The following DENND11 variants were observed in gnomAD, a reference collection of about 807,000 sequenced individuals.
DENND11 encodes the protein DENN domain containing 11.
In DENND11, 34 loss-of-function variants were observed where a neutral mutation model predicts 49.2. The ratio of observed to expected loss-of-function variants is 0.69; its 90% CI spans 0.53 to 0.92. The LOEUF is 0.92. Ranked by LOEUF, DENND11 falls within the 40% of genes least tolerant of loss-of-function variation. The probability of loss-of-function intolerance (pLI) is 0.00; values close to 1 mark genes in which losing one functional copy is unlikely to be tolerated. For missense variants in DENND11, 475 were observed against 581.6 expected, an observed-to-expected ratio of 0.82 and a Z score of 1.88; for synonymous variants, 238 against 230.3, an observed-to-expected ratio of 1.03 and a Z score of -0.30.
intron 4 of DENND11, among the ~76,000 whole-genome samples, chr7:141,667,377 A>G (rs966243165): frequency 6.6e-6 from 1 of 152,198 alleles, no homozygotes; most frequent in African/African-American, 2.4e-5. Context: ...AGATCTGGGG[A>G]AAGTTAGCTA....
intron 4 of DENND11, among the ~76,000 whole-genome samples, chr7:141,669,584 T>G (rs1480946631): frequency 6.6e-6 from 1 of 152,042 alleles, no homozygotes; most frequent in Non-Finnish European, 1.5e-5. Context: ...GTTGTAAAAA[T>G]TCATTGAATT....
intron 3 of DENND11, among the ~76,000 whole-genome samples, chr7:141,675,094 C>T (rs1357389755): frequency 2.0e-5 from 3 of 152,172 alleles, no homozygotes; most frequent in Non-Finnish European, 4.4e-5. Context: ...AATGAAGTTA[C>T]TGGAGTGGGC....
At chr7:141,694,298 T>C (rs1798375834) in intron 1 of DENND11, among the ~76,000 whole-genome samples, 1 of 152,156 alleles carries the variant, frequency 6.6e-6, no homozygotes, top group Non-Finnish European at 1.5e-5. Context: ...AGAGACAGGA[T>C]TGCCCAGGCT....
rs923223276 is a variant in DENND11, at chr7:141,659,685, T to G, written c.*2971A>C. 6.6e-6 allele frequency: 1 copy of G among 152,120 alleles called. No homozygotes were observed. The highest frequency in any genetic ancestry group is 1.5e-5 in the Non-Finnish European group (1 of 68,068). The allele number at this position is 152,120 out of a possible 1,614,324, so 9.4% of individuals were successfully genotyped here. On this transcript the variant is annotated 3_prime_UTR_variant, in exon 9 of 9. Coordinates refer to ENST00000536163, the MANE Select transcript of DENND11 (RefSeq NM_001080392.2). ...ACATAGTTCATTTCACAGTGTGGCA[T>G]GAGATCAGGCTGACAGCTTCACAGG...
rs1276814610 is a variant in DENND11, at chr7:141,673,240, GA to G, written c.681+826del. On this transcript the variant is annotated intron_variant, in intron 4 of 8. Transcript: ENST00000536163. ...TCGGTTGTTTTCGCTGGAAAACAAG[GA>G]ATAAAAAAAAAAAAACAAAAAACAT... 4.1e-3 allele frequency among the ~76,000 whole-genome samples: 606 copies of G among 148,700 alleles called. 4 individuals are homozygous for G. The highest frequency in any genetic ancestry group is 0.014 in the African/African-American group (562 of 40,506).
In DENND11 at chr7:141,670,070, A is replaced by G. The variant is rs551379224; in HGVS notation, c.682-3645T>C. On this transcript the variant is annotated intron_variant, in intron 4 of 8. Transcript: ENST00000536163. Reference sequence around the variant, plus strand: ...CGTGATCCGCCCGCCTCGGCCTCCCAAAGTGCTGGGATTACAGGCGTGAGC... The same window carrying G: ...CGTGATCCGCCCGCCTCGGCCTCCCGAAGTGCTGGGATTACAGGCGTGAGC... Among the ~76,000 whole-genome samples the G allele has an allele frequency of 9.0e-4, 136 of 150,812 alleles. 5 individuals carry two copies. The highest frequency in any genetic ancestry group is 2.2e-3 in the Admixed American group (33 of 15,212).
At chr7:141,687,300 C>CA (rs1798257614) in intron 1 of DENND11, among the ~76,000 whole-genome samples, 1 of 152,116 alleles carries the variant, frequency 6.6e-6, no homozygotes, top group Non-Finnish European at 1.5e-5. Context: ...TTTTGGGACT[C>CA]ATTCACTCAT....
intron 1 of DENND11, among the ~76,000 whole-genome samples, chr7:141,688,464 G>C (rs1367827300): frequency 6.6e-6 from 1 of 152,152 alleles, no homozygotes; most frequent in Admixed American, 6.5e-5. Context: ...TTTCAAAAGA[G>C]GAATTATGAT....
intron 5 of DENND11, among the ~76,000 whole-genome samples, 198 bp downstream of exon 5, chr7:141,666,089 G>A (rs1352999101): frequency 2.0e-5 from 3 of 150,722 alleles, no homozygotes; most frequent in African/African-American, 7.3e-5. Flanking sequence ...CTAATCTTTG[G>A]CCAGGCCACT....
chr7:141,694,131 G>A (rs1180947828), intron 1 of DENND11, among the ~76,000 whole-genome samples: 3 of 151,958 alleles, frequency 2.0e-5, no homozygotes, highest in South Asian at 2.1e-4. Flanking sequence ...AACTAAAATT[G>A]CTCTAAAAAA....
At position 141,661,134 on chromosome 7, in the gene DENND11, T is replaced by C. The variant is rs1027034546; in HGVS notation, c.*1522A>G. On this transcript the variant is annotated 3_prime_UTR_variant, in exon 9 of 9. Transcript: ENST00000536163. ...TGTGAACCACCATTTGAATGTTATT[T>C]CTCCCTGCTGTGTACATTAGTCTGG... 3 of 152,206 alleles carry C rather than the reference T, an allele frequency of 2.0e-5. No individual in the cohort carries two copies. The highest frequency in any genetic ancestry group is 7.2e-5 in the African/African-American group (3 of 41,446). 9.4% of individuals were successfully genotyped at this position (152,206 alleles called of 1,614,324 possible).
At chr7:141,667,555 CCTTGTGAG>C (rs72187976) in intron 4 of DENND11, among the ~76,000 whole-genome samples, 17,165 of 152,132 alleles carry the variant, frequency 0.11, 1,356 homozygotes, top group East Asian at 0.35. Context: ...AAACCCTGGG[CCTTGTGAG>C]CTTTGTGAAA....
At chr7:141,664,711 TC>T (rs552420067) in intron 7 of DENND11, among the ~76,000 whole-genome samples, 192 bp downstream of exon 7, 76 of 152,270 alleles carry the variant, frequency 5.0e-4, no homozygotes, top group Admixed American at 1.4e-3. Flanking sequence ...TCCCCTCCTA[TC>T]AGGGCAGCAT....
At chr7:141,684,098 T>C (rs1798192185) in intron 3 of DENND11, among the ~76,000 whole-genome samples, 1 of 152,168 alleles carries the variant, frequency 6.6e-6, no homozygotes, top group Admixed American at 6.5e-5. Flanking sequence ...TGGCTAATTT[T>C]TTTGTTTTTG....
intron 8 of DENND11, 57 bp downstream of exon 8, chr7:141,664,115 C>G: frequency 7.4e-7 from 1 of 1,346,796 alleles, no homozygotes; most frequent in Non-Finnish European, 1.0e-6. Flanking sequence ...GGATGCAGGT[C>G]ACTCAGTGCC....
intron 4 of DENND11, among the ~76,000 whole-genome samples, chr7:141,669,335 C>T (rs931394703): frequency 1.7e-4 from 26 of 151,746 alleles, no homozygotes; most frequent in African/African-American, 6.3e-4. Flanking sequence ...GCAACCTCCG[C>T]CTCCTGGGTT....
chr7:141,662,576 T>C lies in DENND11; in HGVS notation c.*80A>G. The C allele has an allele frequency of 1.0e-6, 1 of 964,970 alleles. No homozygotes were observed. Among genetic ancestry groups the C allele is most frequent in the African/African-American group, 1.7e-5 (1 of 59,824 alleles). The allele number at this position is 964,970 out of a possible 1,614,324, so 59.8% of individuals were successfully genotyped here. A position where few individuals can be genotyped will look rare whatever the true frequency, so the allele number is the denominator to read the frequency against. The stretch of plus-strand genomic sequence containing the variant: ...TCCTTTGTGTCAACTTAATAAAAAA[T>C]GAGGCCCTCTGGGGCCCTGGGGTGA... On this transcript the variant is annotated 3_prime_UTR_variant, in exon 9 of 9. Coordinates refer to ENST00000536163, the MANE Select transcript of DENND11 (RefSeq NM_001080392.2).
intron 3 of DENND11, among the ~76,000 whole-genome samples, chr7:141,678,847 G>A (rs1798106410): frequency 6.6e-6 from 1 of 152,134 alleles, no homozygotes; most frequent in Non-Finnish European, 1.5e-5. Context: ...TCTGAGCAAG[G>A]TAAAATGTGG....
At chr7:141,687,631 A>ACTTTTTTTTTTTT (rs1554410465) in intron 1 of DENND11, among the ~76,000 whole-genome samples, 2 of 112,826 alleles carry the variant, frequency 1.8e-5, no homozygotes, top group African/African-American at 6.6e-5. Context: ...CACTCGGCTA[A>ACTTTTTTTTTTTT]TTTTTTTTTT....
Sources: gnomAD v4.1 joint callset for allele counts (sites outside exome capture counted in the v4.1 genomes callset) on GRCh38, gnomAD v4.1.1 for gene constraint, MANE v1.5 for transcripts, NCBI Gene and HGNC (gene_info 2026-07-23, HGNC 2026-07-21) for gene names.